Variants in IL34 observed in about 807,000 individuals in gnomAD.
IL34 encodes the protein interleukin-34.
A neutral mutation model predicts 25.3 loss-of-function variants in IL34; 17 were observed. The ratio of observed to expected loss-of-function variants is 0.67; its 90% CI spans 0.46 to 1.01. The LOEUF (loss-of-function observed/expected upper bound fraction) is 1.01, where lower values mean the gene tolerates loss of function less well. IL34 is among the 50% of genes least tolerant of loss of function. The pLI is 0.00. For synonymous variants in IL34, 174 were observed against 140.9 expected (o/e 1.23, Z -1.66); for missense variants, 368 against 312.9 (o/e 1.18, Z -1.33).
intron 1 of IL34, among the ~76,000 whole-genome samples, chr16:70,636,585 TCACACACACACACACACACACACACA>T (rs34816911): frequency 2.2e-5 from 3 of 136,384 alleles, no homozygotes; most frequent in Non-Finnish European, 4.7e-5. Context: ...GCAAACCCTG[TCACACACACACACACACACACACACA>T]CACACACACA....
intron 1 of IL34, among the ~76,000 whole-genome samples, chr16:70,596,810 C>A (rs2050829933): frequency 6.6e-6 from 1 of 152,282 alleles, no homozygotes; most frequent in South Asian, 2.1e-4. Flanking sequence ...ATGCTGGTCT[C>A]AAACTTCTGG....
intron 1 of IL34, among the ~76,000 whole-genome samples, chr16:70,633,484 C>G (rs1175373670): frequency 6.6e-6 from 1 of 152,108 alleles, no homozygotes; most frequent in East Asian, 1.9e-4. Flanking sequence ...AGTCTGGTTT[C>G]AAACTTCAGA....
Position 70,636,581 on chromosome 16 carries a change from C to G in IL34, c.-400-9967C>G, listed in dbSNP as rs573383342. 8.0e-5 allele frequency among the ~76,000 whole-genome samples: 10 copies of G among 124,808 alleles called. No individual in the cohort carries two copies. In the South Asian group the frequency reaches 1.8e-3, roughly 23 times the overall value. 81.9% of individuals were successfully genotyped at this position (124,808 alleles called of 152,430 possible). On this transcript the variant is annotated intron_variant, in intron 1 of 6. Transcript: ENST00000429149. ...GACCAGCCTGGACAACATAGCAAAC[C>G]CTGTCACACACACACACACACACAC...
intron 1 of IL34, among the ~76,000 whole-genome samples, chr16:70,633,697 G>A (rs1344257496): frequency 1.3e-5 from 2 of 152,176 alleles, no homozygotes; most frequent in Admixed American, 6.5e-5. Flanking sequence ...AGAAATCCAA[G>A]ATCAAGGTGT....
intron 1 of IL34, among the ~76,000 whole-genome samples, chr16:70,591,792 T>A (rs2050757997): frequency 6.6e-6 from 1 of 152,114 alleles, no homozygotes; most frequent in African/African-American, 2.4e-5. Flanking sequence ...AAACTGAGGA[T>A]CAGAGAGGTT....
chr16:70,607,417 T>A (rs961609270), intron 1 of IL34, among the ~76,000 whole-genome samples: 9 of 152,218 alleles, frequency 5.9e-5, no homozygotes, highest in African/African-American at 2.2e-4. Context: ...ATTTTCTATA[T>A]AGATGATCCT....
At chr16:70,642,842 C>A (rs553919276), upstream of IL34, among the ~76,000 whole-genome samples, 1 of 152,124 alleles carries the variant, frequency 6.6e-6, no homozygotes, top group South Asian at 2.1e-4. Context: ...ATAATCAATC[C>A]CATTTATATG....
At chr16:70,622,801 T>A (rs2051309556) in intron 1 of IL34, among the ~76,000 whole-genome samples, 2 of 152,084 alleles carry the variant, frequency 1.3e-5, no homozygotes, top group South Asian at 4.2e-4. Context: ...TTTTGGAAGT[T>A]ATGAGAAATG....
chr16:70,619,660 A>G lies in IL34; in HGVS notation c.-400-26888A>G, dbSNP rs568217754. Among the ~76,000 whole-genome samples the G allele has an allele frequency of 2.2e-3, 339 of 150,882 alleles. 2 individuals are homozygous for G. The highest frequency in any genetic ancestry group is 3.5e-3 in the Non-Finnish European group (239 of 68,032). ...GAAAGGGCTTACCTTCCACTGTGAG[A>G]GTTACTCGAAGCTCAGCGTCTGTGA... On this transcript the variant is annotated intron_variant, in intron 1 of 6. Coordinates refer to the IL34 transcript ENST00000429149.
At chr16:70,595,408 C>T (rs1428279162) in intron 1 of IL34, among the ~76,000 whole-genome samples, 1 of 152,050 alleles carries the variant, frequency 6.6e-6, no homozygotes, top group African/African-American at 2.4e-5. Context: ...GCAGCCTTGA[C>T]CTCCTAGGTT....
intron 1 of IL34, among the ~76,000 whole-genome samples, chr16:70,610,952 T>C (rs1229743713): frequency 6.2e-5 from 9 of 144,256 alleles, no homozygotes; most frequent in Admixed American, 3.5e-4. Flanking sequence ...CTTTGTGATT[T>C]TGGGGGCTTC....
At chr16:70,611,415 A>G (rs1476699694) in intron 1 of IL34, among the ~76,000 whole-genome samples, 2 of 152,056 alleles carry the variant, frequency 1.3e-5, no homozygotes, top group Admixed American at 1.3e-4. Context: ...CTACACCTGC[A>G]GGGGGGCCAC....
chr16:70,638,761 T>G (rs915317152), intron 1 of IL34, among the ~76,000 whole-genome samples: 3 of 152,086 alleles, frequency 2.0e-5, no homozygotes, highest in African/African-American at 7.2e-5. Flanking sequence ...AAAAAATTAT[T>G]TGTAGAGATT....
chr16:70,647,096 G>T, intron 1 of IL34, 121 bp downstream of exon 1: 3 of 886,086 alleles, frequency 3.4e-6, no homozygotes, highest in South Asian at 2.4e-5. Context: ...CTTCCCAGCC[G>T]GACTGCAGAC....
At chr16:70,618,725 G>C (rs1369426168) in intron 1 of IL34, among the ~76,000 whole-genome samples, 1 of 152,180 alleles carries the variant, frequency 6.6e-6, no homozygotes, top group Admixed American at 6.5e-5. Context: ...GGGTTTGAGA[G>C]ATCAGTCGGA....
Position 70,650,494 on chromosome 16 carries a change from G to A in IL34, c.28+3519G>A, listed in dbSNP as rs137991902. ...TGCCGGGTCCCCAGGGCCCCAGAAC[G>A]GGACACAGAGAAGGGCAGGTGCTGT... On this transcript the variant is annotated intron_variant, in intron 1 of 5. Coordinates refer to ENST00000288098, the MANE Select transcript of IL34 (RefSeq NM_001393494.1). Among the ~76,000 whole-genome samples the A allele has an allele frequency of 4.3e-3, 648 of 152,318 alleles. 2 individuals are homozygous for A. The highest frequency in any genetic ancestry group is 0.018 in the South Asian group (85 of 4,820).
At chr16:70,614,328 C>G (rs775254468) in intron 1 of IL34, among the ~76,000 whole-genome samples, 2 of 152,118 alleles carry the variant, frequency 1.3e-5, no homozygotes, top group Non-Finnish European at 2.9e-5. Flanking sequence ...CAAATGTGGT[C>G]CTTGCACCAC....
At chr16:70,640,238 C>T (rs1300387376) in intron 1 of IL34, among the ~76,000 whole-genome samples, 1 of 152,136 alleles carries the variant, frequency 6.6e-6, no homozygotes, top group Admixed American at 6.5e-5. Flanking sequence ...GCCTCCTGGG[C>T]TCAAGCAATC....
chr16:70,637,530 G>C (rs528340223), intron 1 of IL34, among the ~76,000 whole-genome samples: 142 of 152,064 alleles, frequency 9.3e-4, no homozygotes, highest in South Asian at 3.7e-3. Flanking sequence ...TTTTAGTAGA[G>C]ACGGGGTTTT....
Sources: allele counts gnomAD v4.1 joint callset (sites outside exome capture counted in the v4.1 genomes callset), GRCh38; gene constraint gnomAD v4.1.1; transcripts MANE v1.5; gene names NCBI Gene and HGNC (gene_info 2026-07-23, HGNC 2026-07-21).